Variants in SCN8A observed in about 807,000 individuals in gnomAD.
SCN8A encodes sodium channel protein type 8 subunit alpha.
Under a neutral mutation model 184.1 loss-of-function variants are expected in SCN8A, and 30 were observed. The ratio of observed to expected loss-of-function variants is 0.16; its 90% CI spans 0.12 to 0.22. The LOEUF (loss-of-function observed/expected upper bound fraction) is 0.22. Among genes scored for constraint, SCN8A ranks in the 10% least tolerant of loss-of-function variants. SCN8A has a pLI of 1.00. For synonymous variants in SCN8A, 852 were observed against 907.0 expected, an observed-to-expected ratio of 0.94 and a Z score of 1.09; for missense variants, 1,057 against 2,498.9, an observed-to-expected ratio of 0.42 and a Z score of 12.30.
chr12:51,682,694 A>C (rs1941355714), intron 2 of SCN8A, among the ~76,000 whole-genome samples: 1 of 152,226 alleles, frequency 6.6e-6, no homozygotes, highest in Admixed American at 6.5e-5. Context: ...AAACTACTTA[A>C]AATGACTAGC....
chr12:51,721,532 G>C lies in SCN8A; in HGVS notation c.1636-14G>C, dbSNP rs1338975233. ...TTTCCCCGTCCCTCTCTCTTTCCCT[G>C]TCTGCCCCTGCAGTCACTGCTCAGC... On this transcript the variant is annotated splice_polypyrimidine_tract_variant and intron_variant, in intron 11 of 26. Coordinates refer to ENST00000627620, the MANE Select transcript of SCN8A (RefSeq NM_001330260.2). The C allele has an allele frequency of 1.4e-5, 22 of 1,586,426 alleles. No individual in the cohort carries two copies. Among genetic ancestry groups the C allele is most frequent in the Non-Finnish European group, 1.9e-5 (22 of 1,165,198 alleles).
chr12:51,607,171 A>G (rs967426332), intron 1 of SCN8A, among the ~76,000 whole-genome samples: 2 of 152,204 alleles, frequency 1.3e-5, no homozygotes, highest in Non-Finnish European at 2.9e-5. Flanking sequence ...TTCTGGGATT[A>G]CAGGCGTGAG....
intron 12 of SCN8A, among the ~76,000 whole-genome samples, chr12:51,734,331 C>G (rs1214849428): frequency 6.6e-6 from 1 of 152,168 alleles, no homozygotes; most frequent in Non-Finnish European, 1.5e-5. Context: ...GAGCCCCAAA[C>G]AGAGATTTAC....
In SCN8A at chr12:51,811,976, G is replaced by A. The variant is rs1938916963; in HGVS notation, c.*4547G>A. On this transcript the variant is annotated 3_prime_UTR_variant, in exon 27 of 27. Coordinates refer to ENST00000627620, the MANE Select transcript of SCN8A (RefSeq NM_001330260.2). ...GTACTCCCCACCCCCTAAAGAATTGGCTGCAACTTGCCAGCCAGGGGGACA... is the reference window on the plus strand; with the variant it reads ...GTACTCCCCACCCCCTAAAGAATTGACTGCAACTTGCCAGCCAGGGGGACA... 1 of 152,206 alleles carries A rather than the reference G, an allele frequency of 6.6e-6. No homozygotes were observed. Among genetic ancestry groups the A allele is most frequent in the Non-Finnish European group, 1.5e-5 (1 of 68,070 alleles). The allele number at this position is 152,206 out of a possible 1,614,324, so 9.4% of individuals were successfully genotyped here.
intron 1 of SCN8A, among the ~76,000 whole-genome samples, chr12:51,600,777 GA>G (rs946932829): frequency 1.4e-4 from 22 of 151,856 alleles, no homozygotes; most frequent in African/African-American, 5.1e-4. Flanking sequence ...TACACCAAGA[GA>G]AAAAAAATTA....
rs766045454 is a variant in SCN8A, at chr12:51,807,320, C to T, written c.5834C>T (p.Pro1945Leu). Residue 1945 changes from proline (P) to leucine (L), a missense_variant, in exon 27 of 27, where the codon CCG becomes CTG. Coordinates refer to ENST00000627620, the MANE Select transcript of SCN8A (RefSeq NM_001330260.2). This position sits in a 1 kb window ranked among gnomAD's most constrained non-coding sequence, Gnocchi z 4.5. ...AGCACCCCATCTACAGCCTCCCTCC[C>T]GTCCTATGACAGTGTAACTAAACCT... is the stretch of plus-strand genomic sequence containing the variant. ...KESTPSTASL[P>L]SYDSVTKPEK... 3 of 1,613,718 alleles carry T rather than the reference C, an allele frequency of 1.9e-6. No individual in the cohort carries two copies. The highest frequency in any genetic ancestry group is 1.7e-6 in the Non-Finnish European group (2 of 1,179,832).
In SCN8A at chr12:51,720,059, GAGCGAGACTCC is replaced by G. The variant is rs1455533810; in HGVS notation, c.1636-1486_1636-1476del. 2.5e-5 allele frequency among the ~76,000 whole-genome samples: 3 copies of G among 120,774 alleles called. No individual in the cohort carries two copies. The East Asian group carries it at 8.0e-4, about 32-fold the overall frequency. The allele number at this position is 120,774 out of a possible 152,430, so 79.2% of individuals were successfully genotyped here. ...CCACTGCACTCCAGCCTGGGCGACA[GAGCGAGACTCC>G]GTCTCAAAAAAAAAAAAAAAAAAAA... On this transcript the variant is annotated intron_variant, in intron 11 of 26. Coordinates refer to ENST00000627620, the MANE Select transcript of SCN8A (RefSeq NM_001330260.2).
At chr12:51,720,908 A>G (rs889251260) in intron 11 of SCN8A, among the ~76,000 whole-genome samples, 2 of 151,660 alleles carry the variant, frequency 1.3e-5, no homozygotes, top group Admixed American at 6.6e-5. Flanking sequence ...TGTACTAAAA[A>G]TACAAAAATT....
In SCN8A at chr12:51,769,255, A is replaced by G. The variant is rs1555226160; in HGVS notation, c.3292A>G (p.Ile1098Val). 2 of 1,612,702 alleles carry G rather than the reference A, an allele frequency of 1.2e-6. No homozygotes were observed. Among genetic ancestry groups the G allele is most frequent in the Non-Finnish European group, 1.7e-6 (2 of 1,178,810 alleles). Residue 1098 changes from isoleucine (I) to valine (V), a missense_variant, in exon 17 of 27, where the codon ATT becomes GTT. This residue lies in a region of SCN8A where 178 missense variants were observed against 259.6 expected (regional missense o/e 0.69). Transcript: ENST00000627620. Reference sequence around the variant, plus strand: ...CCCCAACTTGACTGTACGGGTACCCATTGCTGTGGGCGAGTCTGACTTTGA... The same window carrying G: ...CCCCAACTTGACTGTACGGGTACCCGTTGCTGTGGGCGAGTCTGACTTTGA... ...NNPNLTVRVP[I>V]AVGESDFENL...
At chr12:51,660,164 CAAAG>C (rs1226289622) in intron 1 of SCN8A, among the ~76,000 whole-genome samples, 3 of 152,020 alleles carry the variant, frequency 2.0e-5, no homozygotes, top group Non-Finnish European at 4.4e-5. Context: ...TTAAGCCAAA[CAAAG>C]AGAGTGGGGG....
chr12:51,789,535 G>A, intron 24 of SCN8A, 117 bp downstream of exon 24: 2 of 1,177,138 alleles, frequency 1.7e-6, no homozygotes, highest in South Asian at 1.5e-5. Context: ...TATATTGTTA[G>A]CTCACTGTGA....
At chr12:51,741,853 T>C (rs575390098) in intron 12 of SCN8A, among the ~76,000 whole-genome samples, 11 of 152,154 alleles carry the variant, frequency 7.2e-5, no homozygotes, top group African/African-American at 2.6e-4. Context: ...TACAAGCATG[T>C]GCCACCACGC....
chr12:51,767,774 C>T (rs1942860986), intron 16 of SCN8A, among the ~76,000 whole-genome samples: 1 of 152,202 alleles, frequency 6.6e-6, no homozygotes, highest in Admixed American at 6.5e-5. Flanking sequence ...GTAGCCTAAT[C>T]CAGACCCTTA....
Position 51,751,341 on chromosome 12 carries a change from C to G in SCN8A, c.2132-14C>G, listed in dbSNP as rs1359384801. On this transcript the variant is annotated splice_polypyrimidine_tract_variant and intron_variant, in intron 13 of 26. Transcript: ENST00000627620. ...CTGTGATTGAGGGGCCATCTTTGTT[C>G]TTACTTACTGTAGAACTGGAAGAGT... 5 of 1,588,552 alleles carry G rather than the reference C, an allele frequency of 3.1e-6. No individual in the cohort carries two copies. Among genetic ancestry groups the G allele is most frequent in the Non-Finnish European group, 4.3e-6 (5 of 1,159,648 alleles).
intron 1 of SCN8A, among the ~76,000 whole-genome samples, chr12:51,641,228 A>G (rs1324196411): frequency 6.6e-6 from 1 of 152,246 alleles, no homozygotes. Flanking sequence ...GAGGCTGTGC[A>G]TAGGTTATAT....
chr12:51,744,091 C>T (rs1942470274), intron 12 of SCN8A, among the ~76,000 whole-genome samples: 1 of 152,138 alleles, frequency 6.6e-6, no homozygotes, highest in Non-Finnish European at 1.5e-5. Context: ...CACTTGAGGC[C>T]AGGAGTTCCA....
chr12:51,662,667 AAAGGTTGTGAATT>A, intron 1 of SCN8A, 84 bp from the exon 2 acceptor site: 1 of 744,264 alleles, frequency 1.3e-6, no homozygotes, highest in East Asian at 2.6e-5. Flanking sequence ...TTTTTTTTGC[AAAGGTTGTGAATT>A]AAGGTTGAGA....
intron 1 of SCN8A, among the ~76,000 whole-genome samples, chr12:51,619,447 G>A (rs1939914760): frequency 6.6e-6 from 1 of 152,148 alleles, no homozygotes; most frequent in African/African-American, 2.4e-5. Flanking sequence ...GAATTGCTGG[G>A]CTAATGATGT....
intron 6 of SCN8A, among the ~76,000 whole-genome samples, chr12:51,697,447 T>C (rs1440131612): frequency 6.6e-6 from 1 of 152,240 alleles, no homozygotes; most frequent in Non-Finnish European, 1.5e-5. Flanking sequence ...CATCCATTTC[T>C]ATTATTGGAC....
Sources: allele counts gnomAD v4.1 joint callset (sites outside exome capture counted in the v4.1 genomes callset), GRCh38; gene constraint gnomAD v4.1.1; regional missense constraint gnomAD v4.1.1; non-coding constraint Gnocchi (gnomAD v3.1); transcripts MANE v1.5; gene names NCBI Gene and HGNC (gene_info 2026-07-23, HGNC 2026-07-21).